Variants in SLC17A2 observed in about 807,000 individuals in gnomAD.
The protein encoded by SLC17A2 is sodium-dependent phosphate transport protein 3.
In SLC17A2, 38 loss-of-function variants were observed where a neutral mutation model predicts 52.1. That is an observed-to-expected ratio of 0.73 (90% confidence interval 0.56 to 0.96). The LOEUF is 0.96. Among genes scored for constraint, SLC17A2 ranks in the 40% least tolerant of loss-of-function variants. SLC17A2 has a pLI of 0.00. For synonymous variants in SLC17A2, 226 were observed against 211.9 expected (o/e 1.07, Z -0.58); for missense variants, 508 against 583.9 (o/e 0.87, Z 1.34).
At chr6:25,927,021 G>A (rs537285261) in intron 1 of SLC17A2, among the ~76,000 whole-genome samples, 4 of 152,174 alleles carry the variant, frequency 2.6e-5, no homozygotes, top group Admixed American at 6.5e-5. Context: ...AGCCAAGATC[G>A]TGCCACTGCA....
intron 8 of SLC17A2, among the ~76,000 whole-genome samples, 185 bp from the exon 9 acceptor site, chr6:25,916,053 G>A (rs886777777): frequency 1.3e-5 from 2 of 152,054 alleles, no homozygotes; most frequent in African/African-American, 2.4e-5. Flanking sequence ...GCATCACTCT[G>A]GGCTCCAGAT....
intron 1 of SLC17A2, among the ~76,000 whole-genome samples, chr6:25,927,222 A>G (rs1031717049): frequency 6.6e-6 from 1 of 152,256 alleles, no homozygotes; most frequent in African/African-American, 2.4e-5. Flanking sequence ...AAAGGCATAG[A>G]TGAAAAATTG....
chr6:25,917,596 A>G (rs1766377224), intron 6 of SLC17A2, among the ~76,000 whole-genome samples: 1 of 152,266 alleles, frequency 6.6e-6, no homozygotes, highest in Non-Finnish European at 1.5e-5. Context: ...ATATTTTTGT[A>G]CAATACCTGG....
At chr6:25,923,653 T>G (rs746779856) in intron 3 of SLC17A2, 42 bp downstream of exon 3, 1 of 1,505,646 alleles carries the variant, frequency 6.6e-7, no homozygotes, top group Non-Finnish European at 9.2e-7. Flanking sequence ...CCTTTCAAAG[T>G]TTTTTCTCTC....
intron 10 of SLC17A2, among the ~76,000 whole-genome samples, chr6:25,915,022 C>A (rs534751016): frequency 3.3e-5 from 5 of 151,760 alleles, no homozygotes; most frequent in East Asian, 3.9e-4. Flanking sequence ...CACCATTTAA[C>A]CTCCTTGTGC....
In SLC17A2 at chr6:25,913,367, G is replaced by T. The variant is rs1474575485; in HGVS notation, c.1387C>A (p.Gln463Lys). ...TTGGCCCAGTCTTGAAGTTCTGCTT[G>T]TCCAAACGTGAGGTAAAAGACCAGG... is the stretch of plus-strand genomic sequence containing the variant. ...FGLVFYLTFG[Q>K]AELQDWAKER... The change falls in exon 12 of 12, where the codon CAA (glutamine) becomes AAA (lysine). Residue 463 changes from glutamine to lysine, a missense_variant. Gln to Lys is a moderately conservative substitution (Grantham distance 53). Coordinates refer to ENST00000377850, the MANE Select transcript of SLC17A2 (RefSeq NM_001286123.3). The T allele has an allele frequency of 1.2e-6, 2 of 1,614,094 alleles. No homozygotes were observed. Among genetic ancestry groups the T allele is most frequent in the Middle Eastern group, 1.6e-4 (1 of 6,062 alleles).
At chr6:25,919,056 T>C (rs1766437384) in intron 5 of SLC17A2, among the ~76,000 whole-genome samples, 2 of 152,156 alleles carry the variant, frequency 1.3e-5, no homozygotes, top group African/African-American at 4.8e-5. Flanking sequence ...GAAGTCTACA[T>C]TAAAAAACAA....
intron 5 of SLC17A2, among the ~76,000 whole-genome samples, chr6:25,919,727 A>AAAAAAAAAAAAAAAAG (rs1766478124): frequency 6.9e-6 from 1 of 144,204 alleles, no homozygotes; most frequent in African/African-American, 2.6e-5. Context: ...AAAAAAAAAA[A>AAAAAAAAAAAAAAAAG]GGTTTAGGAA....
intron 3 of SLC17A2, among the ~76,000 whole-genome samples, chr6:25,923,291 G>A (rs1326771711): frequency 6.6e-6 from 1 of 152,164 alleles, no homozygotes; most frequent in Non-Finnish European, 1.5e-5. Flanking sequence ...TATTTGCAAA[G>A]CTATGGACAA....
intron 3 of SLC17A2, among the ~76,000 whole-genome samples, chr6:25,923,189 AAAAC>A (rs148714825): frequency 3.9e-5 from 6 of 152,170 alleles, no homozygotes; most frequent in Admixed American, 6.5e-5. Flanking sequence ...TCTATCTCAA[AAAAC>A]AAACAAACAA....
intron 8 of SLC17A2, 58 bp from the exon 9 acceptor site, chr6:25,915,926 T>C: frequency 1.3e-6 from 2 of 1,551,246 alleles, no homozygotes; most frequent in South Asian, 1.2e-5. Context: ...CCAAAATTTG[T>C]CAGTTACACA....
At chr6:25,921,984 A>T (rs1018643261) in intron 3 of SLC17A2, among the ~76,000 whole-genome samples, 10 of 151,848 alleles carry the variant, frequency 6.6e-5, no homozygotes, top group Non-Finnish European at 1.3e-4. Flanking sequence ...ATAATTACAT[A>T]AATTATATTA....
chr6:25,915,761 A>G lies in SLC17A2; in HGVS notation c.1038T>C (p.Thr346=). The G allele has an allele frequency of 6.2e-7, 1 of 1,614,232 alleles. No homozygotes were observed. The highest frequency in any genetic ancestry group is 8.5e-7 in the Non-Finnish European group (1 of 1,180,046). ...CAAGAGATGAAAAGAGCTTTCGCAC[A>G]GTGATCAATCTGAGAAGATTCCTGG... ...LLSRNLLRLI[T]VRKLFSSLGL... is the part of the protein sequence containing the mutation. Residue 346 remains threonine (T), a synonymous_variant, in exon 9 of 12, where the codon ACT becomes ACC. Coordinates refer to ENST00000377850, the MANE Select transcript of SLC17A2 (RefSeq NM_001286123.3).
intron 10 of SLC17A2, 61 bp from the exon 11 acceptor site, chr6:25,914,731 A>G (rs1480391001): frequency 1.9e-6 from 2 of 1,061,182 alleles, no homozygotes; most frequent in East Asian, 4.8e-5. Context: ...CTTCTGCAGC[A>G]ACTCAACTTT....
chr6:25,923,067 C>T (rs1309255077), intron 3 of SLC17A2, among the ~76,000 whole-genome samples: 1 of 151,984 alleles, frequency 6.6e-6, no homozygotes, highest in African/African-American at 2.4e-5. Context: ...TGCCCCCTTA[C>T]TCCCAGCTAC....
chr6:25,913,659 A>T (rs762714195), intron 11 of SLC17A2, among the ~76,000 whole-genome samples: 6 of 152,234 alleles, frequency 3.9e-5, no homozygotes, highest in Non-Finnish European at 7.3e-5. Context: ...TATTTCTTTA[A>T]ACAAAAATAA....
At chr6:25,919,982 A>G (rs966512688) in intron 5 of SLC17A2, among the ~76,000 whole-genome samples, 4 of 152,136 alleles carry the variant, frequency 2.6e-5, no homozygotes, top group African/African-American at 9.7e-5. Flanking sequence ...GTCAGGCTTT[A>G]CTCTGTAAGC....
chr6:25,926,840 G>A (rs1766781973), intron 1 of SLC17A2, among the ~76,000 whole-genome samples: 1 of 152,176 alleles, frequency 6.6e-6, no homozygotes, highest in African/African-American at 2.4e-5. Flanking sequence ...ACTGAGGTGG[G>A]TGGATCACTT....
intron 2 of SLC17A2, among the ~76,000 whole-genome samples, 184 bp from the exon 3 acceptor site, chr6:25,924,090 G>A (rs548360905): frequency 6.6e-6 from 1 of 152,198 alleles, no homozygotes; most frequent in African/African-American, 2.4e-5. Flanking sequence ...TCAAGACAGC[G>A]AATATGGGAT....
Sources: gnomAD v4.1 joint callset for allele counts (sites outside exome capture counted in the v4.1 genomes callset) on GRCh38, gnomAD v4.1.1 for gene constraint, MANE v1.5 for transcripts, NCBI Gene and HGNC (gene_info 2026-07-23, HGNC 2026-07-21) for gene names.